Variants in SLCO3A1 observed in about 807,000 individuals in gnomAD.
SLCO3A1 encodes the protein solute carrier organic anion transporter family member 3A1.
SLCO3A1 carries 27 observed loss-of-function variants against 63.1 expected under a neutral mutation model. The ratio of observed to expected loss-of-function variants is 0.43; its 90% CI spans 0.32 to 0.59. The LOEUF is 0.59. Ranked by LOEUF, SLCO3A1 falls within the 20% of genes least tolerant of loss-of-function variation. The pLI, the probability that SLCO3A1 is intolerant of heterozygous loss-of-function variation, is 0.09. For synonymous variants in SLCO3A1, 473 were observed against 409.9 expected, an observed-to-expected ratio of 1.15 and a Z score of -1.86; for missense variants, 773 against 945.8, an observed-to-expected ratio of 0.82 and a Z score of 2.40.
At chr15:92,102,931 C>T (rs1249698459) in intron 3 of SLCO3A1, among the ~76,000 whole-genome samples, 1 of 152,174 alleles carries the variant, frequency 6.6e-6, no homozygotes, top group Non-Finnish European at 1.5e-5. Flanking sequence ...CCTTTCTAAG[C>T]CTCAGTTACT....
intron 2 of SLCO3A1, among the ~76,000 whole-genome samples, chr15:92,020,641 C>T (rs927560621): frequency 6.6e-6 from 1 of 152,172 alleles, no homozygotes. Context: ...GGGATGGCAC[C>T]GTGCATGCAC....
In SLCO3A1 at chr15:92,162,985, C is replaced by T. The variant is rs76755470; in HGVS notation, c.1983C>T (p.Gly661=). 3.7e-5 allele frequency: 59 copies of T among 1,613,468 alleles called. No individual in the cohort carries two copies. In the East Asian group the frequency reaches 6.5e-4, roughly 18 times the overall value. The change falls in exon 10 of 10, where the codon GGC becomes GGT. Residue 661 remains glycine (G), a synonymous_variant. Transcript: ENST00000318445. ...NYKRYIKNHE[G]GLSTSEFFAS... ...AACGCTACATCAAAAACCACGAGGG[C>T]GGGCTGAGCACCAGTGAGTTCTTTG...
chr15:92,166,094 C>T (rs1434867087), downstream of SLCO3A1, among the ~76,000 whole-genome samples: 4 of 152,100 alleles, frequency 2.6e-5, no homozygotes, highest in East Asian at 7.7e-4. Flanking sequence ...ATCATTCCCT[C>T]CTATGAAGTA....
chr15:91,941,636 G>T lies in SLCO3A1; in HGVS notation c.646+25178G>T. Reference sequence around the variant, plus strand: ...TTTTGAAGCTTCTAATCTCCCATGGGTTTTGTACTTTTTCTTACTCGGGAT... The same window carrying T: ...TTTTGAAGCTTCTAATCTCCCATGGTTTTTGTACTTTTTCTTACTCGGGAT... On this transcript the variant is annotated intron_variant, in intron 2 of 9. Transcript: ENST00000318445. The surrounding 1 kb of genome is among the most constrained non-coding windows in gnomAD (Gnocchi z 4.4). The T allele has an allele frequency of 4.7e-6, 2 of 425,946 alleles. No individual in the cohort carries two copies. The highest frequency in any genetic ancestry group is 1.7e-5 in the South Asian group (1 of 58,018). 26.4% of individuals were successfully genotyped at this position (425,946 alleles called of 1,614,324 possible).
At position 91,916,542 on chromosome 15, in the gene SLCO3A1, C is replaced by T. The variant is rs1025443041; in HGVS notation, c.646+84C>T. The T allele has an allele frequency of 8.6e-6, 9 of 1,045,750 alleles. No individual in the cohort carries two copies. In the African/African-American group the frequency reaches 1.1e-4, roughly 13 times the overall value. 64.8% of individuals were successfully genotyped at this position (1,045,750 alleles called of 1,614,324 possible). A position where few individuals can be genotyped will look rare whatever the true frequency, so the allele number is the denominator to read the frequency against. On this transcript the variant is annotated intron_variant, in intron 2 of 9. Coordinates refer to ENST00000318445, the MANE Select transcript of SLCO3A1 (RefSeq NM_013272.4). The surrounding 1 kb of genome is among the most constrained non-coding windows in gnomAD (Gnocchi z 6.2). Reference sequence around the variant, plus strand: ...GGTGGCCTGGTGGACTTTGATTTTGCCAGAGTACTGGTTCTCAGACTTGGC... The same window carrying T: ...GGTGGCCTGGTGGACTTTGATTTTGTCAGAGTACTGGTTCTCAGACTTGGC...
chr15:92,000,174 A>C (rs1044985380), intron 2 of SLCO3A1, among the ~76,000 whole-genome samples: 1 of 152,182 alleles, frequency 6.6e-6, no homozygotes, highest in African/African-American at 2.4e-5. Flanking sequence ...GATTTTATAT[A>C]TGATTTTATA....
At chr15:92,047,019 A>G (rs1242251226) in intron 2 of SLCO3A1, among the ~76,000 whole-genome samples, 2 of 64,314 alleles carry the variant, frequency 3.1e-5, no homozygotes, top group East Asian at 6.6e-4. Flanking sequence ...ATATATATAT[A>G]ATATATAAAT....
chr15:92,134,270 C>G (rs187242985), intron 7 of SLCO3A1, among the ~76,000 whole-genome samples: 127 of 152,340 alleles, frequency 8.3e-4, no homozygotes, highest in Non-Finnish European at 1.7e-3. Flanking sequence ...ATTTAAAAGT[C>G]TGTACTTATC....
At chr15:92,104,766 G>T (rs1168964762) in intron 4 of SLCO3A1, among the ~76,000 whole-genome samples, 1 of 152,134 alleles carries the variant, frequency 6.6e-6, no homozygotes, top group African/African-American at 2.4e-5. Context: ...GCTACCATTT[G>T]TTAAAGGGAC....
At chr15:92,105,287 A>G (rs558934139) in intron 4 of SLCO3A1, among the ~76,000 whole-genome samples, 2 of 152,290 alleles carry the variant, frequency 1.3e-5, no homozygotes, top group South Asian at 4.1e-4. Flanking sequence ...AAGAAAAAAA[A>G]GCCACCTTCA....
intron 2 of SLCO3A1, among the ~76,000 whole-genome samples, chr15:92,020,552 T>G (rs2046496497): frequency 6.6e-6 from 1 of 152,230 alleles, no homozygotes; most frequent in Admixed American, 6.5e-5. Flanking sequence ...AGTTTCATGG[T>G]GGCCACTCTT....
At chr15:92,091,328 C>T (rs550762333) in intron 2 of SLCO3A1, among the ~76,000 whole-genome samples, 2 of 152,188 alleles carry the variant, frequency 1.3e-5, no homozygotes, top group South Asian at 2.1e-4. Context: ...GGGGCAGCAC[C>T]GGGCCGCTGC....
chr15:91,940,789 TGTGA>T (rs1399136674), intron 2 of SLCO3A1, among the ~76,000 whole-genome samples: 2 of 152,066 alleles, frequency 1.3e-5, no homozygotes, highest in Admixed American at 1.3e-4. Flanking sequence ...TATGGGGAGA[TGTGA>T]GTGAGTGAGT....
At chr15:92,134,755 T>C (rs948911808) in intron 7 of SLCO3A1, among the ~76,000 whole-genome samples, 3 of 152,226 alleles carry the variant, frequency 2.0e-5, no homozygotes, top group Non-Finnish European at 4.4e-5. Context: ...ACAGATTTTT[T>C]TAATTTAAAA....
chr15:91,952,130 A>G (rs747036433), intron 2 of SLCO3A1, among the ~76,000 whole-genome samples: 97 of 152,328 alleles, frequency 6.4e-4, no homozygotes, highest in Non-Finnish European at 1.9e-4. Context: ...GTTAAGCATC[A>G]TTTCATGTGC....
intron 2 of SLCO3A1, among the ~76,000 whole-genome samples, chr15:92,039,272 C>G (rs1010260219): frequency 6.6e-6 from 1 of 152,090 alleles, no homozygotes; most frequent in Non-Finnish European, 1.5e-5. Flanking sequence ...GCAAAAGAAA[C>G]TATCACAGTA....
chr15:92,165,042 A>T lies in SLCO3A1; in HGVS notation c.*1907A>T. ...GGCAAACAAAAGAATCAGGAAGTAA[A>T]AAATGGTTGGGAGTGGGACAGGTAT... On this transcript the variant is annotated 3_prime_UTR_variant, in exon 10 of 10. Coordinates refer to ENST00000318445, the MANE Select transcript of SLCO3A1 (RefSeq NM_013272.4). The T allele has an allele frequency of 1.0e-6, 1 of 985,418 alleles. No homozygotes were observed. Among genetic ancestry groups the T allele is most frequent in the African/African-American group, 1.7e-5 (1 of 57,370 alleles). The allele number at this position is 985,418 out of a possible 1,614,324, so 61.0% of individuals were successfully genotyped here. A position where few individuals can be genotyped will look rare whatever the true frequency, so the allele number is the denominator to read the frequency against.
intron 1 of SLCO3A1, among the ~76,000 whole-genome samples, chr15:91,880,970 T>C (rs1159402863): frequency 6.6e-6 from 1 of 152,192 alleles, no homozygotes; most frequent in African/African-American, 2.4e-5. Flanking sequence ...GAGAGCAGAA[T>C]GAGCCCAGAG....
intron 2 of SLCO3A1, among the ~76,000 whole-genome samples, chr15:92,082,549 A>G (rs758646658): frequency 1.3e-5 from 2 of 152,204 alleles, no homozygotes; most frequent in Non-Finnish European, 2.9e-5. Flanking sequence ...GTCCAGCCAA[A>G]GAAACAGCCT....
Sources: gnomAD v4.1 joint callset for allele counts (sites outside exome capture counted in the v4.1 genomes callset) on GRCh38, gnomAD v4.1.1 for gene constraint, Gnocchi (gnomAD v3.1) non-coding constraint, MANE v1.5 for transcripts, NCBI Gene and HGNC (gene_info 2026-07-23, HGNC 2026-07-21) for gene names.